STIL: variants seen among roughly 807,000 people sequenced by gnomAD.
STIL encodes the protein SCL-interrupting locus protein.
In STIL, 55 loss-of-function variants were observed where a neutral mutation model predicts 110.1. The observed-to-expected ratio is 0.50, with a 90% CI of 0.40 to 0.63. The LOEUF is 0.63. Ranked by LOEUF, STIL falls within the 20% of genes least tolerant of loss-of-function variation. The pLI, the probability that STIL is intolerant of heterozygous loss-of-function variation, is 0.00. For missense variants in STIL, 1,358 were observed against 1,530.0 expected, an observed-to-expected ratio of 0.89 and a Z score of 1.87; for synonymous variants, 481 against 530.0, an observed-to-expected ratio of 0.91 and a Z score of 1.27.
rs1467423386 is a variant in STIL, at chr1:47,268,930, A to G, written c.2615+705T>C. 6.6e-5 allele frequency among the ~76,000 whole-genome samples: 10 copies of G among 152,026 alleles called. No homozygotes were observed. In the East Asian group the frequency reaches 1.9e-3, roughly 29 times the overall value. ...AACATGGTGAAACCCCATCTCTACT[A>G]AAAATACAAACACGGAATTAGCCGG... On this transcript the variant is annotated intron_variant, in intron 14 of 16. Transcript: ENST00000371877.
intron 6 of STIL, among the ~76,000 whole-genome samples, chr1:47,298,563 A>T (rs933889229): frequency 3.3e-5 from 5 of 152,086 alleles, no homozygotes; most frequent in Non-Finnish European, 5.9e-5. Context: ...ATTCACAGTT[A>T]AAACCACATA....
At chr1:47,284,825 G>C (rs989640579) in intron 10 of STIL, among the ~76,000 whole-genome samples, 1 of 151,926 alleles carries the variant, frequency 6.6e-6, no homozygotes, top group Non-Finnish European at 1.5e-5. Flanking sequence ...GCGAAGTGGA[G>C]GTTGCAGTGA....
At chr1:47,278,134 G>C (rs1645042616) in intron 12 of STIL, among the ~76,000 whole-genome samples, 1 of 152,140 alleles carries the variant, frequency 6.6e-6, no homozygotes, top group Non-Finnish European at 1.5e-5. Context: ...GGAATCTATA[G>C]TATAGAGATA....
rs773975947 is a variant in STIL at position 47,269,762 on chromosome 1, C to T, written c.2488G>A (p.Asp830Asn). Residue 830 changes from aspartate to asparagine, a missense_variant, in exon 14 of 17, where the codon GAT becomes AAT. Transcript: ENST00000371877. ...ISSEDMNFSV[D>N]INNEVTSLPG... ...AGACTTGTGACTTCATTATTAATATCGACAGAAAAATTCATGTCCTCACTG... is the reference window on the plus strand; with the variant it reads ...AGACTTGTGACTTCATTATTAATATTGACAGAAAAATTCATGTCCTCACTG... 2.0e-5 allele frequency: 33 copies of T among 1,613,944 alleles called. No homozygotes were observed. The highest frequency in any genetic ancestry group is 2.5e-5 in the Non-Finnish European group (30 of 1,179,994).
intron 1 of STIL, among the ~76,000 whole-genome samples, chr1:47,313,432 C>A (rs1301036466): frequency 6.6e-6 from 1 of 151,820 alleles, no homozygotes; most frequent in Admixed American, 6.6e-5. Context: ...CAACCTTAAC[C>A]CCCCCATCCA....
chr1:47,268,298 T>A (rs975511787), intron 14 of STIL, among the ~76,000 whole-genome samples: 6 of 150,638 alleles, frequency 4.0e-5, no homozygotes, highest in Admixed American at 1.3e-4. Context: ...ATACAAAAAT[T>A]AGCTGGGCGT....
chr1:47,287,982 A>G (rs1645353980), intron 9 of STIL, among the ~76,000 whole-genome samples: 1 of 149,346 alleles, frequency 6.7e-6, no homozygotes, highest in Non-Finnish European at 1.5e-5. Context: ...TATAGCTTAC[A>G]TAACCTATAA....
intron 14 of STIL, among the ~76,000 whole-genome samples, chr1:47,268,925 C>T (rs1319315465): frequency 6.6e-6 from 1 of 151,888 alleles, no homozygotes. Flanking sequence ...AACCCCATCT[C>T]TACTAAAAAT....
In STIL at chr1:47,304,985, C is replaced by T. The variant is rs1200031320; in HGVS notation, c.56G>A (p.Ser19Asn). The T allele has an allele frequency of 1.2e-6, 2 of 1,613,534 alleles. No homozygotes were observed. Among genetic ancestry groups the T allele is most frequent in the East Asian group, 2.2e-5 (1 of 44,870 alleles). The change falls in exon 3 of 17, where the codon AGC (serine) becomes AAC (asparagine). Residue 19 changes from serine (S) to asparagine (N), a missense_variant. By Grantham distance (46) the Ser-to-Asn change is conservative. Transcript: ENST00000371877. Reference sequence around the variant, plus strand: ...AGGAAAGTGGAAAGGTACCATCCTGCTTGAAGGAAACCTTTTGAAAAAACA... The same window carrying T: ...AGGAAAGTGGAAAGGTACCATCCTGTTTGAAGGAAACCTTTTGAAAAAACA... ...RPQMNTRFPSSRMVPFHFPPS... is the reference protein window; with the variant it reads ...RPQMNTRFPSNRMVPFHFPPS...
intron 16 of STIL, among the ~76,000 whole-genome samples, chr1:47,253,551 G>A (rs778381138): frequency 2.0e-5 from 3 of 152,148 alleles, no homozygotes; most frequent in Admixed American, 6.5e-5. Flanking sequence ...AGAGATTTGA[G>A]CTATTTTTTC....
In STIL at chr1:47,281,012, C is replaced by T; in HGVS notation, c.1446G>A (p.Glu482=). 2 of 1,614,110 alleles carry T rather than the reference C, an allele frequency of 1.2e-6. No individual in the cohort carries two copies. Among genetic ancestry groups the T allele is most frequent in the Non-Finnish European group, 1.7e-6 (2 of 1,180,020 alleles). The change falls in exon 12 of 17, where the codon GAG becomes GAA. Residue 482 remains glutamate, a synonymous_variant. Coordinates refer to ENST00000371877, the MANE Select transcript of STIL (RefSeq NM_001048166.1). ...GATTTGGTATTCCTCTCAAGGAAGGCTCTCCAGCTTCAACTTCTGGACTGT... is the reference window on the plus strand; with the variant it reads ...GATTTGGTATTCCTCTCAAGGAAGGTTCTCCAGCTTCAACTTCTGGACTGT... ...EKHSPEVEAG[E]PSLRGIPNQL... is the part of the protein sequence containing the mutation.
intron 4 of STIL, 97 bp from the exon 5 acceptor site, chr1:47,301,845 C>T (rs1022450898): frequency 1.3e-5 from 14 of 1,107,406 alleles, no homozygotes; most frequent in African/African-American, 1.6e-5. Context: ...TTTGTTCATA[C>T]CAATAGTACA....
At chr1:47,269,583 A>G (rs1326840156) in intron 14 of STIL, 52 bp downstream of exon 14, 1 of 1,502,268 alleles carries the variant, frequency 6.7e-7, no homozygotes, top group Non-Finnish European at 9.2e-7. Flanking sequence ...TTGTCTATCA[A>G]AAAAAATTTT....
At chr1:47,289,061 C>CAAAAAAAAAAAAAAAAAAAA (rs371944423) in intron 9 of STIL, among the ~76,000 whole-genome samples, 1 of 83,476 alleles carries the variant, frequency 1.2e-5, no homozygotes, top group Non-Finnish European at 2.2e-5. Context: ...GATTCCATCT[C>CAAAAAAAAAAAAAAAAAAAA]AAAAAAAAAA....
At chr1:47,297,671 T>C (rs1197138395) in intron 6 of STIL, among the ~76,000 whole-genome samples, 2 of 152,066 alleles carry the variant, frequency 1.3e-5, no homozygotes, top group Non-Finnish European at 2.9e-5. Context: ...TACTGCAGCC[T>C]TGAAATCCTA....
rs569097554 is a variant in STIL, at chr1:47,271,555, T to C, written c.2383+521A>G. 8.1e-5 allele frequency among the ~76,000 whole-genome samples: 9 copies of C among 110,628 alleles called. No individual in the cohort carries two copies. The South Asian group carries it at 2.1e-3, about 25-fold the overall frequency. The allele number at this position is 110,628 out of a possible 152,430, so 72.6% of individuals were successfully genotyped here. A position where few individuals can be genotyped will look rare whatever the true frequency, so the allele number is the denominator to read the frequency against. ...GCCTGTGTGACGGAGTGAGACTCCG[T>C]CTCAAAAAAAAAAAAAAAAAAAAGT... On this transcript the variant is annotated intron_variant, in intron 13 of 16. Transcript: ENST00000371877.
Position 47,252,057 on chromosome 1 carries a change from C to A in STIL, c.3081-135G>T, listed in dbSNP as rs1252456649. The A allele has an allele frequency of 7.8e-6, 7 of 902,138 alleles. No homozygotes were observed. In the East Asian group the frequency reaches 1.8e-4, roughly 24 times the overall value. 55.9% of individuals were successfully genotyped at this position (902,138 alleles called of 1,614,324 possible). On this transcript the variant is annotated intron_variant, in intron 16 of 16. Transcript: ENST00000371877. ...TGGTCCTTTTATCTAACTACTCAGA[C>A]ATCTAAGTCTTGATGATCCAGATAC... is the stretch of plus-strand genomic sequence containing the variant.
intron 10 of STIL, among the ~76,000 whole-genome samples, chr1:47,286,256 C>A (rs2149032603): frequency 6.6e-6 from 1 of 151,736 alleles, no homozygotes; most frequent in East Asian, 1.9e-4. Flanking sequence ...ACATATCTGC[C>A]TGCCCCCCAC....
chr1:47,256,702 T>C (rs1433688922), intron 16 of STIL, among the ~76,000 whole-genome samples: 1 of 146,080 alleles, frequency 6.8e-6, no homozygotes, highest in Non-Finnish European at 1.5e-5. Flanking sequence ...ATTTTAAGAG[T>C]ACAAAACATC....
Sources: gnomAD v4.1 joint callset for allele counts (sites outside exome capture counted in the v4.1 genomes callset) on GRCh38, gnomAD v4.1.1 for gene constraint, MANE v1.5 for transcripts, NCBI Gene and HGNC (gene_info 2026-07-23, HGNC 2026-07-21) for gene names.